VIPAS39: variants seen among roughly 807,000 people sequenced by gnomAD.
The protein encoded by VIPAS39 is spermatogenesis-defective protein 39 homolog.
VIPAS39 carries 63 observed loss-of-function variants against 84.7 expected under a neutral mutation model. The ratio of observed to expected loss-of-function variants is 0.74; its 90% confidence interval spans 0.61 to 0.92. VIPAS39 has a LOEUF of 0.92. Ranked by LOEUF, VIPAS39 falls within the 40% of genes least tolerant of loss-of-function variation. The pLI is 0.00. For missense variants in VIPAS39, 499 were observed against 604.5 expected (o/e 0.83, Z 1.83); for synonymous variants, 192 against 216.5 (o/e 0.89, Z 0.99).
intron 7 of VIPAS39, among the ~76,000 whole-genome samples, chr14:77,444,928 G>T (rs921941516): frequency 1.3e-5 from 2 of 148,922 alleles, no homozygotes; most frequent in African/African-American, 4.9e-5. Flanking sequence ...TTTGCATACA[G>T]TAAAACATAC....
chr14:77,452,955 G>C (rs2078905787), intron 3 of VIPAS39, among the ~76,000 whole-genome samples: 1 of 152,084 alleles, frequency 6.6e-6, no homozygotes. Flanking sequence ...CACCTGCAGT[G>C]TTTATTAAAA....
intron 1 of VIPAS39, 89 bp from the exon 2 acceptor site, chr14:77,454,191 T>C (rs1052956910): frequency 8.6e-5 from 103 of 1,191,278 alleles, no homozygotes; most frequent in Non-Finnish European, 1.2e-4. Flanking sequence ...CACTAACTGA[T>C]CCCAAAAATC....
At chr14:77,453,522 G>A (rs984558930) in intron 2 of VIPAS39, 121 bp from the exon 3 acceptor site, 159 of 908,734 alleles carry the variant, frequency 1.7e-4, no homozygotes, top group African/African-American at 2.8e-4. Flanking sequence ...CTGTGCAATC[G>A]AAAGCCTAGC....
At chr14:77,457,469 A>G in intron 1 of VIPAS39, 26 bp downstream of exon 1, 6 of 1,445,096 alleles carry the variant, frequency 4.2e-6, no homozygotes, top group Non-Finnish European at 5.6e-6. Flanking sequence ...CAGATACGCG[A>G]CCCAAGGGGC....
intron 11 of VIPAS39, among the ~76,000 whole-genome samples, chr14:77,439,413 A>T (rs2078665220): frequency 6.6e-6 from 1 of 152,210 alleles, no homozygotes; most frequent in African/African-American, 2.4e-5. Flanking sequence ...ACAGGCTGCC[A>T]ATCATTTTTA....
chr14:77,435,112 C>T, intron 14 of VIPAS39, 147 bp downstream of exon 14: 2 of 1,267,278 alleles, frequency 1.6e-6, no homozygotes, highest in South Asian at 1.2e-5. Context: ...GGCCCTCTTA[C>T]CCCTGGTGAG....
intron 15 of VIPAS39, 34 bp from the exon 16 acceptor site, chr14:77,433,965 A>G (rs2078565037): frequency 6.3e-7 from 1 of 1,599,862 alleles, no homozygotes; most frequent in Admixed American, 1.7e-5. Context: ...ATTAAGGGGA[A>G]GTAGAAATAC....
chr14:77,436,157 T>C (rs1355346234), intron 12 of VIPAS39, among the ~76,000 whole-genome samples: 6 of 152,220 alleles, frequency 3.9e-5, no homozygotes, highest in African/African-American at 2.4e-5. Context: ...TAGTCACTCA[T>C]AATTTTGCTG....
chr14:77,434,874 G>C (rs969556801), intron 14 of VIPAS39, among the ~76,000 whole-genome samples: 1 of 151,698 alleles, frequency 6.6e-6, no homozygotes, highest in African/African-American at 2.4e-5. Flanking sequence ...ACTCCAGCCT[G>C]GGCGACAGAG....
rs55665986 is a variant in VIPAS39, at chr14:77,442,411, A to C, written c.734+149T>G. On this transcript the variant is annotated intron_variant, in intron 10 of 19. Coordinates refer to ENST00000557658, the MANE Select transcript of VIPAS39 (RefSeq NM_001193315.2). ...TGCACCTTATCATAAGCTATGCTGT[A>C]CTGCTAGTTATCCCCTCACACTTCA... The C allele has an allele frequency of 5.3e-3, 3,978 of 756,016 alleles. 113 individuals are homozygous for C. In the African/African-American group the frequency reaches 0.06, roughly 11 times the overall value. 46.8% of individuals were successfully genotyped at this position (756,016 alleles called of 1,614,324 possible). A position where few individuals can be genotyped will look rare whatever the true frequency, so the allele number is the denominator to read the frequency against.
intron 12 of VIPAS39, among the ~76,000 whole-genome samples, chr14:77,436,391 C>T (rs1310859238): frequency 6.6e-6 from 1 of 152,124 alleles, no homozygotes; most frequent in African/African-American, 2.4e-5. Flanking sequence ...GTTTATAGAT[C>T]AGCAAATATC....
intron 8 of VIPAS39, among the ~76,000 whole-genome samples, chr14:77,443,890 A>T (rs1423795663): frequency 6.6e-6 from 1 of 151,310 alleles, no homozygotes; most frequent in Non-Finnish European, 1.5e-5. Context: ...AAAAAAAAAA[A>T]ACTAGCCAGG....
At chr14:77,440,208 T>C (rs1195332771) in intron 11 of VIPAS39, 1 of 50,408 alleles carries the variant, frequency 2.0e-5, no homozygotes, top group Non-Finnish European at 6.7e-5. Context: ...CTGCCAAGTT[T>C]TTTTTTTTTT....
At chr14:77,441,375 T>G (rs1006374009) in intron 10 of VIPAS39, among the ~76,000 whole-genome samples, 8 of 151,918 alleles carry the variant, frequency 5.3e-5, no homozygotes, top group African/African-American at 9.7e-5. Flanking sequence ...GGTTGTTGTT[T>G]TTTTTTTTCC....
At chr14:77,447,968 T>C (rs1025694222) in intron 7 of VIPAS39, among the ~76,000 whole-genome samples, 17 of 150,408 alleles carry the variant, frequency 1.1e-4, no homozygotes, top group Non-Finnish European at 2.4e-4. Flanking sequence ...GGCTTCTCTT[T>C]TTTTTTTTTG....
rs142024084 is a variant in VIPAS39, at chr14:77,450,324, A to C, written c.344-572T>G. 2.3e-3 allele frequency among the ~76,000 whole-genome samples: 353 copies of C among 152,324 alleles called. 2 individuals are homozygous for C. The highest frequency in any genetic ancestry group is 8.3e-3 in the African/African-American group (346 of 41,564). On this transcript the variant is annotated intron_variant, in intron 4 of 19. Coordinates refer to ENST00000557658, the MANE Select transcript of VIPAS39 (RefSeq NM_001193315.2). ...TGTCGTTCTTCTTTAATGCTGAGTA[A>C]CATTCCGCTGCATGTATATGGCACA...
intron 3 of VIPAS39, among the ~76,000 whole-genome samples, chr14:77,453,044 A>G (rs1566739907): frequency 1.3e-5 from 2 of 152,278 alleles, no homozygotes; most frequent in Middle Eastern, 6.8e-3. Flanking sequence ...TCATTTTAAC[A>G]AGCACCCCAA....
chr14:77,429,107 G>A lies in VIPAS39; in HGVS notation c.1267-12C>T. On this transcript the variant is annotated splice_polypyrimidine_tract_variant and intron_variant, in intron 17 of 19. Transcript: ENST00000557658. The stretch of plus-strand genomic sequence containing the variant: ...TACTCCTGTAATATCTGTGGGAAGA[G>A]GTACTTCCGATTAATGATTCAAACA... The A allele has an allele frequency of 6.2e-7, 1 of 1,610,050 alleles. No homozygotes were observed. The highest frequency in any genetic ancestry group is 8.5e-7 in the Non-Finnish European group (1 of 1,176,736).
At position 77,442,665 on chromosome 14, in the gene VIPAS39, G is replaced by A. The variant is rs1326123880; in HGVS notation, c.632-3C>T. 1.2e-6 allele frequency: 2 copies of A among 1,613,832 alleles called. No homozygotes were observed. The highest frequency in any genetic ancestry group is 1.3e-5 in the African/African-American group (1 of 75,060). ...CTCCAGCTCTCGGAAGAGGATCTCT[G>A]TCAGACAGTCAGGAGTTAAGTTGAG... On this transcript the variant is annotated splice_polypyrimidine_tract_variant and splice_region_variant and intron_variant, in intron 9 of 19. Transcript: ENST00000557658.
Sources: gnomAD v4.1 joint callset for allele counts (sites outside exome capture counted in the v4.1 genomes callset) on GRCh38, gnomAD v4.1.1 for gene constraint, MANE v1.5 for transcripts, NCBI Gene and HGNC (gene_info 2026-07-23, HGNC 2026-07-21) for gene names.